The following ALX3 variants were observed in gnomAD, a reference collection of about 807,000 sequenced individuals.
ALX3 encodes homeobox protein aristaless-like 3.
A neutral mutation model predicts 26.3 loss-of-function variants in ALX3; 17 were observed. The observed-to-expected ratio is 0.65, with a 90% confidence interval of 0.44 to 0.97. The LOEUF (loss-of-function observed/expected upper bound fraction) is 0.97. ALX3 is among the 50% of genes least tolerant of loss of function. The probability of loss-of-function intolerance (pLI) is 0.00; values close to 1 mark genes in which losing one functional copy is unlikely to be tolerated. For synonymous variants in ALX3, 208 were observed against 201.4 expected (o/e 1.03, Z -0.28); for missense variants, 461 against 466.5 (o/e 0.99, Z 0.11).
At chr1:110,061,398 C>T (rs1217531368) in intron 3 of ALX3, 37 bp downstream of exon 3, 5 of 1,614,182 alleles carry the variant, frequency 3.1e-6, no homozygotes, top group African/African-American at 1.3e-5. Context: ...TTTGGTGACC[C>T]TGCCAGGTCC....
At chr1:110,062,125 G>A (rs2360635) in intron 2 of ALX3, 46,394 of 153,572 alleles carry the variant, frequency 0.3, 7,250 homozygotes, top group East Asian at 0.42. Flanking sequence ...TCTTCTGGTT[G>A]CCTCCCAAGC....
chr1:110,060,648 TG>T lies in ALX3; in HGVS notation c.*84del. 1 of 306,936 alleles carries T rather than the reference TG, an allele frequency of 3.3e-6. No individual in the cohort carries two copies. Among genetic ancestry groups the T allele is most frequent in the Non-Finnish European group, 4.1e-6 (1 of 245,380 alleles). The allele number at this position is 306,936 out of a possible 1,614,324, so 19.0% of individuals were successfully genotyped here. ...TGCTCTCGCAGCCTCCAGAACCATC[TG>T]GGGCTTGGAGGCAGAGGTGGGCTGG... On this transcript the variant is annotated 3_prime_UTR_variant, in exon 4 of 4. Coordinates refer to ENST00000647563, the MANE Select transcript of ALX3 (RefSeq NM_006492.3).
chr1:110,061,776 A>T, intron 2 of ALX3: 7 of 675,702 alleles, frequency 1.0e-5, no homozygotes, highest in Non-Finnish European at 4.9e-6. Context: ...AATTGGCCCC[A>T]TGGGCCTCCA....
Position 110,061,493 on chromosome 1 carries a change from T to A in ALX3, c.665A>T (p.Asn222Ile), listed in dbSNP as rs538430669. The change falls in exon 3 of 4, where the codon AAC becomes ATC. Residue 222 changes from asparagine (N) to isoleucine (I), a missense_variant. Physicochemically the swap from Asn to Ile is moderately radical, Grantham distance 149. This residue lies in a region of ALX3 where 169 missense variants were observed against 178.0 expected (regional missense o/e 0.95). Transcript: ENST00000647563. ...GATGTCATAGGCAGCCGTGAAGGGG[T>A]TCCGCCCCTCCTGGATCTTCCCATA... ...ERYGKIQEGR[N>I]PFTAAYDISV... 6 of 1,614,084 alleles carry A rather than the reference T, an allele frequency of 3.7e-6. No homozygotes were observed. The African/African-American group carries it at 5.3e-5, about 14-fold the overall frequency.
At chr1:110,062,512 G>A (rs1017311398) in intron 2 of ALX3, 3 of 151,464 alleles carry the variant, frequency 2.0e-5, no homozygotes, top group Admixed American at 1.3e-4. Flanking sequence ...CAGCCTCTAA[G>A]CTAAATTTAA....
In ALX3 at chr1:110,069,592, T is replaced by C. The variant is rs568967412; in HGVS notation, c.277+744A>G. Among the ~76,000 whole-genome samples, 8 of 152,328 alleles carry C rather than the reference T, an allele frequency of 5.3e-5. No homozygotes were observed. The South Asian group carries it at 1.7e-3, about 32-fold the overall frequency. On this transcript the variant is annotated intron_variant, in intron 1 of 3. Transcript: ENST00000647563. ...GCCAGGGGGTTAGGCTGCCCAGGGC[T>C]GCTCCTGACTGCCCAGCGGTGATGA...
Position 110,061,478 on chromosome 1 carries a change from G to A in ALX3, c.680C>T (p.Ala227Val), listed in dbSNP as rs775250647. 1.2e-6 allele frequency: 2 copies of A among 1,614,204 alleles called. No homozygotes were observed. The highest frequency in any genetic ancestry group is 2.2e-5 in the South Asian group (2 of 91,082). ...IQEGRNPFTA[A>V]YDISVLPRTD... is the part of the protein sequence containing the mutation. Reference sequence around the variant, plus strand: ...ACGGGGCAGCACAGAGATGTCATAGGCAGCCGTGAAGGGGTTCCGCCCCTC... The same window carrying A: ...ACGGGGCAGCACAGAGATGTCATAGACAGCCGTGAAGGGGTTCCGCCCCTC... The change falls in exon 3 of 4, where the codon GCC (alanine) becomes GTC (valine). Residue 227 changes from alanine (A) to valine (V), a missense_variant. Coordinates refer to ENST00000647563, the MANE Select transcript of ALX3 (RefSeq NM_006492.3).
intron 2 of ALX3, among the ~76,000 whole-genome samples, chr1:110,063,942 C>T (rs2360636): frequency 0.6 from 90,586 of 151,540 alleles, 27,297 homozygotes; most frequent in East Asian, 0.8. Context: ...AAACTGGCCA[C>T]GGCCCCTCTG....
rs746004953 is a variant in ALX3 at position 110,061,044 on chromosome 1, GA to G, written c.724-4del. 6.2e-7 allele frequency: 1 copy of G among 1,603,834 alleles called. No homozygotes were observed. Among genetic ancestry groups the G allele is most frequent in the Admixed American group, 1.7e-5 (1 of 58,742 alleles). On this transcript the variant is annotated splice_region_variant and splice_polypyrimidine_tract_variant and intron_variant, in intron 3 of 3. Coordinates refer to ENST00000647563, the MANE Select transcript of ALX3 (RefSeq NM_006492.3). ...CTGGCCCACAGGGAGTTCTGCAGCT[GA>G]AAAGAGAGGGAAAGAAGGCCCATGA...
At chr1:110,064,018 T>G (rs1294454843) in intron 2 of ALX3, among the ~76,000 whole-genome samples, 1 of 149,520 alleles carries the variant, frequency 6.7e-6, no homozygotes, top group East Asian at 2.0e-4. Context: ...CCAGCCAGCC[T>G]TTCCCAGCCA....
chr1:110,070,342 CG>C lies in ALX3; in HGVS notation c.270del (p.Ala91ArgfsTer102). On this transcript the variant is annotated frameshift_variant, in exon 1 of 4. Transcript: ENST00000647563. LOFTEE classifies it high-confidence loss of function. ...GCCCCGCGCCGCGCGTTACCTTCCG[CG>C]GGGCCCTCGTAGAAGTGGCCGCCGT... is the stretch of plus-strand genomic sequence containing the variant. The part of the protein sequence containing the change: ...ALNGGHFYEG[P>X]AEAEEKTSKA... 7.7e-7 allele frequency: 1 copy of C among 1,291,726 alleles called. No individual in the cohort carries two copies. 80.0% of individuals were successfully genotyped at this position (1,291,726 alleles called of 1,614,324 possible).
At position 110,060,890 on chromosome 1, in the gene ALX3, GC is replaced by G; in HGVS notation, c.874del (p.Ala292ArgfsTer39). On this transcript the variant is annotated frameshift_variant, in exon 4 of 4. Coordinates refer to ENST00000647563, the MANE Select transcript of ALX3 (RefSeq NM_006492.3). LOFTEE classifies it high-confidence loss of function. Reference sequence around the variant, plus strand: ...GATGGAGTAGATGCCAGGGTGAGCCGCAGAAGGGGCTGGCACCCCCATGAAG... The same window carrying G: ...GATGGAGTAGATGCCAGGGTGAGCCGAGAAGGGGCTGGCACCCCCATGAAG... ...AGFMGVPAPSAAHPGIYSIHG... is the reference protein window; with the variant it reads ...AGFMGVPAPSXAHPGIYSIHG... 1 of 1,613,770 alleles carries G rather than the reference GC, an allele frequency of 6.2e-7. No individual in the cohort carries two copies. Among genetic ancestry groups the G allele is most frequent in the Non-Finnish European group, 8.5e-7 (1 of 1,179,910 alleles).
intron 1 of ALX3, among the ~76,000 whole-genome samples, chr1:110,068,692 T>C (rs1653846811): frequency 6.6e-6 from 1 of 152,194 alleles, no homozygotes; most frequent in South Asian, 2.1e-4. Flanking sequence ...TTTTTATTCG[T>C]TCGTTCCTCA....
chr1:110,061,773 C>T, intron 2 of ALX3: 1 of 695,816 alleles, frequency 1.4e-6, no homozygotes, highest in Non-Finnish European at 2.3e-6. Flanking sequence ...GGTAATTGGC[C>T]CCATGGGCCT....
chr1:110,065,396 C>T (rs535596988), intron 1 of ALX3, among the ~76,000 whole-genome samples: 6 of 152,276 alleles, frequency 3.9e-5, no homozygotes, highest in African/African-American at 4.8e-5. Flanking sequence ...AGGCTGTGGA[C>T]GTGGGTGCTC....
intron 1 of ALX3, among the ~76,000 whole-genome samples, chr1:110,069,244 C>G (rs987346336): frequency 2.0e-5 from 3 of 152,248 alleles, no homozygotes; most frequent in Admixed American, 1.3e-4. Context: ...CCCGCCCTCC[C>G]CTACACATTC....
intron 1 of ALX3, among the ~76,000 whole-genome samples, chr1:110,067,252 G>C (rs958360742): frequency 6.6e-6 from 1 of 152,242 alleles, no homozygotes; most frequent in African/African-American, 2.4e-5. Flanking sequence ...AGCTTGTAAA[G>C]GAGTGAGGGC....
intron 1 of ALX3, among the ~76,000 whole-genome samples, chr1:110,066,371 C>A (rs116508251): frequency 0.012 from 1,769 of 152,312 alleles, 20 homozygotes; most frequent in South Asian, 0.041. Flanking sequence ...CCCACAGCTA[C>A]AGCCCAGGGA....
At chr1:110,061,609 GAGGAA>G (rs1387964911) in intron 2 of ALX3, 46 bp from the exon 3 acceptor site, 1 of 1,612,094 alleles carries the variant, frequency 6.2e-7, no homozygotes, top group Non-Finnish European at 8.5e-7. Flanking sequence ...GGGCAGCCCT[GAGGAA>G]AGGAGCCTGC....
Sources: allele counts gnomAD v4.1 joint callset (sites outside exome capture counted in the v4.1 genomes callset), GRCh38; gene constraint gnomAD v4.1.1; regional missense constraint gnomAD v4.1.1; transcripts MANE v1.5; gene names NCBI Gene and HGNC (gene_info 2026-07-23, HGNC 2026-07-21).